Variants in GALNTL6 observed in about 807,000 individuals in gnomAD.
The protein encoded by GALNTL6 is polypeptide N-acetylgalactosaminyltransferase-like 6.
A neutral mutation model predicts 73.7 loss-of-function variants in GALNTL6; 46 were observed. That is an observed-to-expected ratio of 0.62 (90% CI 0.49 to 0.80). The LOEUF (loss-of-function observed/expected upper bound fraction) is 0.80, where lower values mean the gene tolerates loss of function less well. Among genes scored for constraint, GALNTL6 ranks in the 30% least tolerant of loss-of-function variants. GALNTL6 has a pLI of 0.00. For missense variants in GALNTL6, 604 were observed against 755.0 expected (o/e 0.80, Z 2.34); for synonymous variants, 259 against 263.7 (o/e 0.98, Z 0.17).
chr4:172,916,293 C>A (rs369218667), intron 8 of GALNTL6, among the ~76,000 whole-genome samples: 1 of 152,136 alleles, frequency 6.6e-6, no homozygotes, highest in Non-Finnish European at 1.5e-5. Context: ...CAATATCATA[C>A]TGAATGGGCA....
chr4:172,486,315 A>G (rs1733665297), intron 5 of GALNTL6, among the ~76,000 whole-genome samples: 1 of 152,186 alleles, frequency 6.6e-6, no homozygotes, highest in Non-Finnish European at 1.5e-5. Flanking sequence ...ACAGGGATAT[A>G]AAGTCAAAGA....
intron 3 of GALNTL6, among the ~76,000 whole-genome samples, chr4:172,247,635 A>G (rs988891788): frequency 6.6e-6 from 1 of 152,276 alleles, no homozygotes; most frequent in African/African-American, 2.4e-5. Context: ...TGAAACTCTC[A>G]GGAATATAAA....
chr4:172,115,915 T>C (rs1338337687), intron 2 of GALNTL6, among the ~76,000 whole-genome samples: 1 of 152,010 alleles, frequency 6.6e-6, no homozygotes, highest in Non-Finnish European at 1.5e-5. Context: ...CAATGCCAAA[T>C]ACAGTATTTC....
chr4:172,733,509 C>T (rs764902560), intron 5 of GALNTL6, among the ~76,000 whole-genome samples: 3 of 152,036 alleles, frequency 2.0e-5, no homozygotes, highest in Non-Finnish European at 4.4e-5. Context: ...GCCCAAATCT[C>T]GTCTTGAATT....
At chr4:172,760,098 A>G (rs1384214712) in intron 5 of GALNTL6, among the ~76,000 whole-genome samples, 5 of 150,778 alleles carry the variant, frequency 3.3e-5, no homozygotes, top group Admixed American at 2.6e-4. Context: ...GGCCTCCCAA[A>G]GTGCTGGGAT....
chr4:173,004,186 GA>G (rs199537245), intron 10 of GALNTL6, among the ~76,000 whole-genome samples: 15 of 148,544 alleles, frequency 1.0e-4, no homozygotes, highest in East Asian at 2.0e-4. Flanking sequence ...CCTATCTCTT[GA>G]AAAAAAAAAT....
At chr4:173,011,926 T>TG (rs1363778563) in intron 11 of GALNTL6, among the ~76,000 whole-genome samples, 3 of 152,090 alleles carry the variant, frequency 2.0e-5, no homozygotes, top group African/African-American at 7.2e-5. Flanking sequence ...ATTTTAGAGA[T>TG]GGGGTCTTGC....
intron 2 of GALNTL6, among the ~76,000 whole-genome samples, chr4:171,964,025 G>A (rs1486037489): frequency 6.6e-6 from 1 of 152,176 alleles, no homozygotes; most frequent in Non-Finnish European, 1.5e-5. Context: ...AAAGAATCAA[G>A]CTTCCTCAGT....
At chr4:172,231,501 T>C (rs1024160620) in intron 3 of GALNTL6, among the ~76,000 whole-genome samples, 1 of 152,178 alleles carries the variant, frequency 6.6e-6, no homozygotes, top group Non-Finnish European at 1.5e-5. Flanking sequence ...CCAGGTCTTA[T>C]CATGGTCCAT....
intron 5 of GALNTL6, among the ~76,000 whole-genome samples, chr4:172,373,715 T>A (rs1226221571): frequency 6.6e-6 from 1 of 152,030 alleles, no homozygotes; most frequent in Non-Finnish European, 1.5e-5. Context: ...ACCTAATATA[T>A]CTCTACCTAA....
intron 2 of GALNTL6, among the ~76,000 whole-genome samples, chr4:171,878,973 T>C (rs965464474): frequency 3.9e-5 from 6 of 152,166 alleles, no homozygotes; most frequent in Non-Finnish European, 8.8e-5. Context: ...ACAAGTTTCC[T>C]GAGGCCTCCC....
At chr4:172,916,572 C>T (rs1294194900) in intron 8 of GALNTL6, among the ~76,000 whole-genome samples, 2 of 152,100 alleles carry the variant, frequency 1.3e-5, no homozygotes, top group African/African-American at 2.4e-5. Context: ...AATCAATGTG[C>T]AAAAATCACA....
chr4:172,487,489 C>T lies in GALNTL6; in HGVS notation c.553+138800C>T, dbSNP rs112504222. On this transcript the variant is annotated intron_variant, in intron 5 of 12. Transcript: ENST00000506823. ...CCTACCTCCACCACCCGGGTTCAAGCGATTCTCTTGCCTTAGCCTCTCGAG... is the reference window on the plus strand; with the variant it reads ...CCTACCTCCACCACCCGGGTTCAAGTGATTCTCTTGCCTTAGCCTCTCGAG... Among the ~76,000 whole-genome samples, 1,126 of 151,770 alleles carry T rather than the reference C, an allele frequency of 7.4e-3. 17 individuals carry two copies. Among genetic ancestry groups the T allele is most frequent in the African/African-American group, 0.025 (1,043 of 41,352 alleles).
At chr4:172,141,945 TAAAC>T (rs1250711540) in intron 2 of GALNTL6, among the ~76,000 whole-genome samples, 1 of 150,608 alleles carries the variant, frequency 6.6e-6, no homozygotes, top group African/African-American at 2.4e-5. Context: ...AAAGATAGGA[TAAAC>T]AAAGCAAAAC....
chr4:171,982,358 C>T (rs151134065), intron 2 of GALNTL6, among the ~76,000 whole-genome samples: 13 of 152,124 alleles, frequency 8.5e-5, no homozygotes, highest in East Asian at 3.9e-4. Flanking sequence ...AGTGCAGTGG[C>T]GCGATCTCGG....
At chr4:172,051,082 G>A (rs1480301898) in intron 2 of GALNTL6, among the ~76,000 whole-genome samples, 3 of 152,172 alleles carry the variant, frequency 2.0e-5, no homozygotes, top group Non-Finnish European at 4.4e-5. Context: ...CAAAGGCAGA[G>A]TGTTAGTGAA....
chr4:172,623,146 C>G lies in GALNTL6; in HGVS notation c.554-186215C>G, dbSNP rs543846828. Among the ~76,000 whole-genome samples the G allele has an allele frequency of 3.3e-5, 5 of 151,900 alleles. No individual in the cohort carries two copies. In the South Asian group the frequency reaches 1.0e-3, roughly 32 times the overall value. The stretch of plus-strand genomic sequence containing the variant: ...AGGCTAAATCCTTATCCTTTATTGT[C>G]AAAAATCAATGCACGAAACTGAAAA... On this transcript the variant is annotated intron_variant, in intron 5 of 12. Coordinates refer to ENST00000506823, the MANE Select transcript of GALNTL6 (RefSeq NM_001034845.3).
chr4:172,220,931 T>C (rs1396841897), intron 2 of GALNTL6, among the ~76,000 whole-genome samples: 6 of 151,890 alleles, frequency 4.0e-5, no homozygotes, highest in Admixed American at 3.9e-4. Flanking sequence ...ATGGTCAAAT[T>C]AAACATATTT....
intron 2 of GALNTL6, among the ~76,000 whole-genome samples, chr4:171,825,767 G>A (rs1169445226): frequency 6.6e-6 from 1 of 152,100 alleles, no homozygotes; most frequent in Non-Finnish European, 1.5e-5. Flanking sequence ...CATAGGGACT[G>A]ATTGGATCAA....
Sources: gnomAD v4.1 joint callset for allele counts (sites outside exome capture counted in the v4.1 genomes callset) on GRCh38, gnomAD v4.1.1 for gene constraint, MANE v1.5 for transcripts, NCBI Gene and HGNC (gene_info 2026-07-23, HGNC 2026-07-21) for gene names.